Variants in YPEL5 observed in about 807,000 individuals in gnomAD.
The protein encoded by YPEL5 is protein yippee-like 5.
Under a neutral mutation model 10.5 loss-of-function variants are expected in YPEL5, and 1 was observed. The ratio of observed to expected loss-of-function variants is 0.10; its 90% confidence interval spans 0.03 to 0.45. The LOEUF is 0.45. Among genes scored for constraint, YPEL5 ranks in the 20% least tolerant of loss-of-function variants. The pLI, the probability that YPEL5 is intolerant of heterozygous loss-of-function variation, is 0.97. For missense variants in YPEL5, 68 were observed against 159.3 expected, an observed-to-expected ratio of 0.43 and a Z score of 3.09; for synonymous variants, 61 against 56.6, an observed-to-expected ratio of 1.08 and a Z score of -0.35.
At chr2:30,156,171 G>C (rs753662169) in intron 1 of YPEL5, among the ~76,000 whole-genome samples, 8 of 152,134 alleles carry the variant, frequency 5.3e-5, no homozygotes, top group Non-Finnish European at 1.0e-4. Context: ...CTCTCTTCTT[G>C]TTTTCTAATT....
rs768161986 is a variant in YPEL5, at chr2:30,158,864, CTT to C, written c.*24_*25del. The C allele has an allele frequency of 6.2e-7, 1 of 1,610,768 alleles. No individual in the cohort carries two copies. Among genetic ancestry groups the C allele is most frequent in the Non-Finnish European group, 8.5e-7 (1 of 1,177,324 alleles). On this transcript the variant is annotated 3_prime_UTR_variant, in exon 3 of 3. Transcript: ENST00000261353. The stretch of plus-strand genomic sequence containing the variant: ...CTTGAAGATACAGAGAGAAATCCAT[CTT>C]TTCCCAGGTCTCCTTCACTGAAAAC...
At chr2:30,158,378 TG>T (rs753169230) in intron 2 of YPEL5, among the ~76,000 whole-genome samples, 1 of 152,238 alleles carries the variant, frequency 6.6e-6, no homozygotes, top group Non-Finnish European at 1.5e-5. Context: ...GTTTAAATAG[TG>T]TGACTTAGGC....
intron 1 of YPEL5, among the ~76,000 whole-genome samples, chr2:30,151,750 CAT>C (rs768979435): frequency 3.0e-4 from 46 of 152,284 alleles, no homozygotes; most frequent in South Asian, 1.9e-3. Context: ...TCAGCACTGA[CAT>C]GTACCAAAGC....
At chr2:30,158,484 T>C (rs1676141584) in intron 2 of YPEL5, 135 bp from the exon 3 acceptor site, 1 of 799,510 alleles carries the variant, frequency 1.3e-6, no homozygotes, top group African/African-American at 1.7e-5. Context: ...AAGTCTTGCG[T>C]ATTATAGGTT....
intron 1 of YPEL5, among the ~76,000 whole-genome samples, chr2:30,154,536 A>G (rs943593879): frequency 1.3e-5 from 2 of 152,184 alleles, no homozygotes; most frequent in South Asian, 2.1e-4. Context: ...CTTTAATGAG[A>G]TCTTCCAAAT....
intron 1 of YPEL5, among the ~76,000 whole-genome samples, chr2:30,154,461 T>C (rs1675947495): frequency 6.6e-6 from 1 of 152,202 alleles, no homozygotes; most frequent in Non-Finnish European, 1.5e-5. Flanking sequence ...TCACTTGTAG[T>C]CAGTTGTTGC....
At chr2:30,157,140 G>A (rs1676077682) in intron 2 of YPEL5, among the ~76,000 whole-genome samples, 2 of 152,076 alleles carry the variant, frequency 1.3e-5, no homozygotes. Context: ...AAAATTAGCT[G>A]GGCGTGGTGG....
Position 30,158,769 on chromosome 2 carries a change from C to T in YPEL5, c.292C>T (p.Arg98Cys), listed in dbSNP as rs370225674. ...AGACAGCCAGCGATATAAGGAAGGC[C>T]GCGTGATCCTGGAACGTGCTCTAGT... Reference protein sequence around the residue: ...TEDSQRYKEGRVILERALVRE... With the variant: ...TEDSQRYKEGCVILERALVRE... The change falls in exon 3 of 3, where the codon CGC becomes TGC. Residue 98 changes from arginine (R) to cysteine (C), a missense_variant. This residue lies in a region of YPEL5 where 48 missense variants were observed against 138.4 expected (regional missense o/e 0.35). Coordinates refer to ENST00000261353, the MANE Select transcript of YPEL5 (RefSeq NM_016061.3). The T allele has an allele frequency of 6.2e-7, 1 of 1,614,132 alleles. No individual in the cohort carries two copies. Among genetic ancestry groups the T allele is most frequent in the Non-Finnish European group, 8.5e-7 (1 of 1,180,032 alleles).
At chr2:30,151,392 G>A (rs1675785505) in intron 1 of YPEL5, among the ~76,000 whole-genome samples, 1 of 151,962 alleles carries the variant, frequency 6.6e-6, no homozygotes, top group African/African-American at 2.4e-5. Context: ...TCTGATAAAA[G>A]AGAAATTGGA....
intron 1 of YPEL5, among the ~76,000 whole-genome samples, chr2:30,154,712 T>C (rs1675959879): frequency 6.6e-6 from 1 of 152,174 alleles, no homozygotes; most frequent in Non-Finnish European, 1.5e-5. Flanking sequence ...ATTTGCAACT[T>C]CTGACTTATA....
At chr2:30,155,371 AG>A (rs1463274065) in intron 1 of YPEL5, among the ~76,000 whole-genome samples, 1 of 152,234 alleles carries the variant, frequency 6.6e-6, no homozygotes, top group Non-Finnish European at 1.5e-5. Context: ...TCATAGACCT[AG>A]AAGGAATGGA....
At position 30,159,204 on chromosome 2, in the gene YPEL5, G is replaced by T. The variant is rs371804066; in HGVS notation, c.*361G>T. The T allele has an allele frequency of 1.0e-5, 2 of 194,330 alleles. No individual in the cohort carries two copies. Among genetic ancestry groups the T allele is most frequent in the African/African-American group, 2.4e-5 (1 of 42,426 alleles). 12.0% of individuals were successfully genotyped at this position (194,330 alleles called of 1,614,324 possible). On this transcript the variant is annotated 3_prime_UTR_variant, in exon 3 of 3. Coordinates refer to ENST00000261353, the MANE Select transcript of YPEL5 (RefSeq NM_016061.3). ...CAATTGTGAAAGGAAAATGTTAGGA[G>T]TATGGTTTTTAAACTTGGGCTTCAT... is the stretch of plus-strand genomic sequence containing the variant.
chr2:30,147,982 G>C (rs1324578834), intron 1 of YPEL5: 1 of 152,080 alleles, frequency 6.6e-6, no homozygotes, highest in African/African-American at 2.4e-5. Context: ...CCACCCGGGG[G>C]TCGCCCGGGC....
At chr2:30,149,152 T>G (rs1675659675) in intron 1 of YPEL5, among the ~76,000 whole-genome samples, 1 of 152,196 alleles carries the variant, frequency 6.6e-6, no homozygotes. Context: ...GATTGTGCAC[T>G]AACACACAAG....
chr2:30,156,461 G>T (rs1188996955), intron 1 of YPEL5, 167 bp from the exon 2 acceptor site: 4 of 619,478 alleles, frequency 6.5e-6, no homozygotes, highest in Middle Eastern at 4.5e-4. Context: ...TTTGTTCAGT[G>T]TGTGAACTTT....
intron 1 of YPEL5, among the ~76,000 whole-genome samples, chr2:30,156,137 A>T (rs931789674): frequency 2.0e-5 from 3 of 151,880 alleles, no homozygotes; most frequent in African/African-American, 7.3e-5. Flanking sequence ...AGACCTACTC[A>T]CTCTGTGTTC....
chr2:30,147,313 C>T (rs1295797207), intron 1 of YPEL5, among the ~76,000 whole-genome samples: 3 of 150,034 alleles, frequency 2.0e-5, no homozygotes, highest in South Asian at 2.1e-4. Flanking sequence ...GCGGCGGCCG[C>T]CGTCGGCCCG....
At position 30,158,859 on chromosome 2, in the gene YPEL5, T is replaced by A; in HGVS notation, c.*16T>A. ...TAACTCTTGAAGATACAGAGAGAAA[T>A]CCATCTTTTCCCAGGTCTCCTTCAC... On this transcript the variant is annotated 3_prime_UTR_variant, in exon 3 of 3. Transcript: ENST00000261353. 1 of 1,611,588 alleles carries A rather than the reference T, an allele frequency of 6.2e-7. No individual in the cohort carries two copies. Among genetic ancestry groups the A allele is most frequent in the Non-Finnish European group, 8.5e-7 (1 of 1,177,990 alleles).
At chr2:30,153,595 A>C (rs1402854030) in intron 1 of YPEL5, among the ~76,000 whole-genome samples, 2 of 152,216 alleles carry the variant, frequency 1.3e-5, no homozygotes, top group African/African-American at 4.8e-5. Flanking sequence ...TGCAAAGGCC[A>C]GGGCTACCTC....
Sources: gnomAD v4.1 joint callset for allele counts (sites outside exome capture counted in the v4.1 genomes callset) on GRCh38, gnomAD v4.1.1 for gene constraint, gnomAD v4.1.1 regional missense constraint, MANE v1.5 for transcripts, NCBI Gene and HGNC (gene_info 2026-07-23, HGNC 2026-07-21) for gene names.